CRPPA: variants seen among roughly 807,000 people sequenced by gnomAD.
The protein encoded by CRPPA is D-ribitol-5-phosphate cytidylyltransferase.
In CRPPA, 43 loss-of-function variants were observed where a neutral mutation model predicts 52.0. The observed-to-expected ratio is 0.83, with a 90% confidence interval of 0.65 to 1.07. CRPPA has a LOEUF of 1.07. Among genes scored for constraint, CRPPA ranks in the 50% least tolerant of loss-of-function variants. CRPPA has a pLI of 0.00. For synonymous variants in CRPPA, 250 were observed against 203.5 expected, an observed-to-expected ratio of 1.23 and a Z score of -1.94; for missense variants, 629 against 551.7, an observed-to-expected ratio of 1.14 and a Z score of -1.40.
chr7:16,328,741 C>G (rs12699781), intron 3 of CRPPA, among the ~76,000 whole-genome samples: 2 of 151,950 alleles, frequency 1.3e-5, no homozygotes, highest in Non-Finnish European at 2.9e-5. Context: ...TCTTGAACTC[C>G]TGACCTCAGG....
intron 9 of CRPPA, among the ~76,000 whole-genome samples, chr7:16,101,692 A>G (rs1782048885): frequency 6.6e-6 from 1 of 152,182 alleles, no homozygotes; most frequent in Admixed American, 6.5e-5. Context: ...AGAGAGCCAA[A>G]TCATGAGTTA....
At position 16,122,689 on chromosome 7, in the gene CRPPA, T is replaced by C. The variant is rs75988648; in HGVS notation, c.1252-30890A>G. ...AGTAAAAACATAAACTCATCTAGAT[T>C]ATCTATGAAAACTGTAGCTTACACT... On this transcript the variant is annotated intron_variant, in intron 9 of 9. Coordinates refer to ENST00000407010, the MANE Select transcript of CRPPA (RefSeq NM_001101426.4). Among the ~76,000 whole-genome samples, 401 of 152,184 alleles carry C rather than the reference T, an allele frequency of 2.6e-3. 2 individuals carry two copies. Among genetic ancestry groups the C allele is most frequent in the African/African-American group, 9.4e-3 (390 of 41,560 alleles).
chr7:16,095,269 T>C (rs984848021), intron 9 of CRPPA, among the ~76,000 whole-genome samples: 47 of 152,214 alleles, frequency 3.1e-4, no homozygotes, highest in African/African-American at 1.1e-3. Flanking sequence ...ACAATATTCC[T>C]TTAATAAACT....
chr7:16,275,002 G>T (rs1429305733), intron 6 of CRPPA, among the ~76,000 whole-genome samples: 1 of 152,096 alleles, frequency 6.6e-6, no homozygotes, highest in Admixed American at 6.5e-5. Context: ...TTTGAACCTG[G>T]GAGGCGTAGG....
intron 9 of CRPPA, among the ~76,000 whole-genome samples, chr7:16,170,869 G>C (rs879390256): frequency 5.3e-5 from 8 of 152,198 alleles, no homozygotes; most frequent in Admixed American, 1.3e-4. Context: ...TCCGAGTGTG[G>C]GGGTCCCTTC....
chr7:16,391,936 A>G (rs1012985558), intron 2 of CRPPA, among the ~76,000 whole-genome samples: 1 of 152,182 alleles, frequency 6.6e-6, no homozygotes, highest in Admixed American at 6.5e-5. Flanking sequence ...CAGCATCTGA[A>G]GAAATTTCAA....
At chr7:16,134,716 A>G (rs1030043586) in intron 9 of CRPPA, among the ~76,000 whole-genome samples, 1 of 152,198 alleles carries the variant, frequency 6.6e-6, no homozygotes. Flanking sequence ...TGATGACAGA[A>G]ATGACCTAAA....
intron 3 of CRPPA, among the ~76,000 whole-genome samples, chr7:16,352,101 A>C (rs921034096): frequency 6.6e-6 from 1 of 152,190 alleles, no homozygotes; most frequent in Non-Finnish European, 1.5e-5. Context: ...GGATGAGTTC[A>C]TGTCCTTTGC....
At chr7:16,219,057 G>C (rs1229298819) in intron 8 of CRPPA, among the ~76,000 whole-genome samples, 1 of 152,140 alleles carries the variant, frequency 6.6e-6, no homozygotes, top group African/African-American at 2.4e-5. Flanking sequence ...GCTCTCCTCA[G>C]CAAATGTAAA....
At chr7:16,116,104 T>A (rs1460115690) in intron 9 of CRPPA, among the ~76,000 whole-genome samples, 2 of 152,170 alleles carry the variant, frequency 1.3e-5, no homozygotes, top group Non-Finnish European at 2.9e-5. Context: ...TATTTTACCA[T>A]AATTATTAAT....
At chr7:16,186,974 T>C (rs977600385) in intron 9 of CRPPA, among the ~76,000 whole-genome samples, 2 of 152,192 alleles carry the variant, frequency 1.3e-5, no homozygotes, top group African/African-American at 4.8e-5. Flanking sequence ...CATATAATTT[T>C]AATCTTTGCT....
At chr7:16,384,877 G>C (rs1034595671) in intron 2 of CRPPA, among the ~76,000 whole-genome samples, 1 of 152,162 alleles carries the variant, frequency 6.6e-6, no homozygotes, top group African/African-American at 2.4e-5. Context: ...AAACTTAGCA[G>C]ATAAAGACCT....
At chr7:16,102,535 G>C (rs1336867779) in intron 9 of CRPPA, among the ~76,000 whole-genome samples, 3 of 151,994 alleles carry the variant, frequency 2.0e-5, no homozygotes, top group Non-Finnish European at 1.5e-5. Context: ...CAGAATGGGA[G>C]AAAATTTTTG....
At chr7:16,199,908 G>T (rs1272560304) in intron 9 of CRPPA, among the ~76,000 whole-genome samples, 3 of 149,472 alleles carry the variant, frequency 2.0e-5, no homozygotes. Context: ...CCCAGGCTGG[G>T]GTGCAATGGT....
At chr7:16,193,835 G>A (rs1781667852) in intron 9 of CRPPA, among the ~76,000 whole-genome samples, 1 of 151,920 alleles carries the variant, frequency 6.6e-6, no homozygotes, top group African/African-American at 2.4e-5. Flanking sequence ...GTGTAAACAG[G>A]GCCAATTCAA....
At chr7:16,225,240 C>T (rs897322878) in intron 8 of CRPPA, among the ~76,000 whole-genome samples, 2 of 151,944 alleles carry the variant, frequency 1.3e-5, no homozygotes, top group Non-Finnish European at 1.5e-5. Flanking sequence ...CAGAAACTCA[C>T]ATTTTAAACA....
intron 2 of CRPPA, among the ~76,000 whole-genome samples, chr7:16,385,884 C>A (rs1239824334): frequency 1.3e-5 from 2 of 152,134 alleles, no homozygotes; most frequent in Non-Finnish European, 2.9e-5. Flanking sequence ...GGTGCAGTAG[C>A]CAGAGCGAGC....
intron 9 of CRPPA, among the ~76,000 whole-genome samples, chr7:16,207,454 A>G (rs1781999773): frequency 6.6e-6 from 1 of 152,178 alleles, no homozygotes; most frequent in South Asian, 2.1e-4. Flanking sequence ...TCTCCAATGG[A>G]TTCCGTTAAA....
chr7:16,244,102 A>T (rs1783200601), intron 8 of CRPPA, among the ~76,000 whole-genome samples: 1 of 152,244 alleles, frequency 6.6e-6, no homozygotes, highest in Non-Finnish European at 1.5e-5. Flanking sequence ...CTATTTTAAT[A>T]AGTATCTTAG....
Sources: gnomAD v4.1 joint callset for allele counts (sites outside exome capture counted in the v4.1 genomes callset) on GRCh38, gnomAD v4.1.1 for gene constraint, MANE v1.5 for transcripts, NCBI Gene and HGNC (gene_info 2026-07-23, HGNC 2026-07-21) for gene names.